PACSIN2: variants seen among roughly 807,000 people sequenced by gnomAD.
The protein encoded by PACSIN2 is protein kinase C and casein kinase substrate in neurons 2.
Under a neutral mutation model 63.8 loss-of-function variants are expected in PACSIN2, and 25 were observed. The ratio of observed to expected loss-of-function variants is 0.39; its 90% CI spans 0.29 to 0.55. PACSIN2 has a LOEUF of 0.55. Ranked by LOEUF, PACSIN2 falls within the 20% of genes least tolerant of loss-of-function variation. The probability of loss-of-function intolerance (pLI) is 0.62; values close to 1 mark genes in which losing one functional copy is unlikely to be tolerated. For synonymous variants in PACSIN2, 255 were observed against 256.2 expected (o/e 1.00, Z 0.05); for missense variants, 518 against 646.9 (o/e 0.80, Z 2.16).
At chr22:42,968,159 G>T (rs944897504) in intron 1 of PACSIN2, among the ~76,000 whole-genome samples, 2 of 152,122 alleles carry the variant, frequency 1.3e-5, no homozygotes, top group Non-Finnish European at 2.9e-5. Context: ...GTGTGTCCTG[G>T]ACCTCCACAA....
intron 8 of PACSIN2, 72 bp from the exon 9 acceptor site, chr22:42,877,082 T>A: frequency 1.3e-6 from 2 of 1,544,026 alleles, no homozygotes; most frequent in Admixed American, 3.5e-5. Context: ...AACTCCTAGC[T>A]GCAGGATCTC....
At chr22:42,924,828 A>C (rs535516685) in intron 1 of PACSIN2, among the ~76,000 whole-genome samples, 95 of 150,368 alleles carry the variant, frequency 6.3e-4, no homozygotes, top group Non-Finnish European at 1.2e-3. Context: ...ACGATCTCAG[A>C]TCACTGCAAG....
At chr22:42,999,378 T>C (rs1311859399) in intron 1 of PACSIN2, among the ~76,000 whole-genome samples, 2 of 152,282 alleles carry the variant, frequency 1.3e-5, no homozygotes, top group East Asian at 3.9e-4. Flanking sequence ...CATTAAAAAA[T>C]CTGTCTACAG....
At chr22:42,952,279 G>A (rs1033478513) in intron 1 of PACSIN2, among the ~76,000 whole-genome samples, 3 of 151,752 alleles carry the variant, frequency 2.0e-5, no homozygotes, top group Admixed American at 6.6e-5. Context: ...AGCAAACCAG[G>A]TATCTTAATG....
chr22:43,014,470 C>T (rs1013918839), intron 1 of PACSIN2, among the ~76,000 whole-genome samples: 2 of 151,856 alleles, frequency 1.3e-5, no homozygotes, highest in African/African-American at 4.8e-5. Flanking sequence ...CGTCGCCCCC[C>T]AGGCCACCCC....
chr22:42,888,921 G>C (rs1929694838), intron 4 of PACSIN2, 123 bp from the exon 5 acceptor site: 11 of 889,804 alleles, frequency 1.2e-5, no homozygotes, highest in Non-Finnish European at 2.0e-5. Context: ...GTACAAAATT[G>C]TATGTATACT....
At chr22:42,900,469 A>T (rs999620065) in intron 2 of PACSIN2, among the ~76,000 whole-genome samples, 2 of 152,156 alleles carry the variant, frequency 1.3e-5, no homozygotes, top group Non-Finnish European at 2.9e-5. Flanking sequence ...TCTATTTTTA[A>T]AAATTAAATT....
chr22:42,997,418 C>T (rs1215559456), intron 1 of PACSIN2, among the ~76,000 whole-genome samples: 4 of 151,968 alleles, frequency 2.6e-5, no homozygotes, highest in African/African-American at 9.7e-5. Flanking sequence ...ATTAGCCAGG[C>T]GTGGTGGCAG....
At position 42,986,618 on chromosome 22, in the gene PACSIN2, T is replaced by A. The variant is rs183799955; in HGVS notation, c.-78+28403A>T. On this transcript the variant is annotated intron_variant, in intron 1 of 10. Coordinates refer to ENST00000263246, the MANE Select transcript of PACSIN2 (RefSeq NM_001184970.3). ...TGGGGGGTGAAGATACACACTAAAA[T>A]CCACATGGGAACACAATGACTTCAG... Among the ~76,000 whole-genome samples the A allele has an allele frequency of 2.5e-3, 383 of 152,012 alleles. 3 individuals are homozygous for A. The highest frequency in any genetic ancestry group is 8.8e-3 in the African/African-American group (364 of 41,442).
At chr22:43,014,616 C>T (rs1244820359) in intron 1 of PACSIN2, among the ~76,000 whole-genome samples, 1 of 151,964 alleles carries the variant, frequency 6.6e-6, no homozygotes, top group African/African-American at 2.4e-5. Flanking sequence ...AAAAGTCGCC[C>T]CAGCTCCCCC....
chr22:42,894,811 ACGATCTCTTTT>A (rs1440643262), intron 2 of PACSIN2, among the ~76,000 whole-genome samples: 1 of 152,156 alleles, frequency 6.6e-6, no homozygotes, highest in African/African-American at 2.4e-5. Context: ...TGACAGAAAA[ACGATCTCTTTT>A]CAGCCTTTTT....
chr22:42,991,008 C>A (rs769164931), intron 1 of PACSIN2, among the ~76,000 whole-genome samples: 1 of 152,152 alleles, frequency 6.6e-6, no homozygotes, highest in Non-Finnish European at 1.5e-5. Flanking sequence ...TCAACGGGTT[C>A]TATACACAAA....
intron 6 of PACSIN2, among the ~76,000 whole-genome samples, chr22:42,882,716 A>G (rs1346916065): frequency 6.6e-6 from 1 of 152,182 alleles, no homozygotes; most frequent in East Asian, 1.9e-4. Context: ...AGACTTGCCA[A>G]TGCAGAGCGT....
chr22:43,002,246 T>C (rs571323967), intron 1 of PACSIN2: 1 of 151,862 alleles, frequency 6.6e-6, no homozygotes, highest in South Asian at 2.1e-4. Flanking sequence ...CCCTGCAGAG[T>C]CTTTCCAATA....
intron 1 of PACSIN2, among the ~76,000 whole-genome samples, chr22:42,919,461 C>T (rs1195286514): frequency 6.6e-6 from 1 of 152,186 alleles, no homozygotes; most frequent in Non-Finnish European, 1.5e-5. Context: ...CAGTGGTTGA[C>T]TGATTATTTC....
At chr22:42,947,455 C>T (rs566846174) in intron 1 of PACSIN2, among the ~76,000 whole-genome samples, 22 of 152,238 alleles carry the variant, frequency 1.4e-4, no homozygotes, top group African/African-American at 4.8e-4. Flanking sequence ...AAAAGAGGAG[C>T]GGCCTCTTCC....
At position 42,951,002 on chromosome 22, in the gene PACSIN2, G is replaced by C. The variant is rs115841379; in HGVS notation, c.-77-38845C>G. On this transcript the variant is annotated intron_variant, in intron 1 of 10. Coordinates refer to ENST00000263246, the MANE Select transcript of PACSIN2 (RefSeq NM_001184970.3). ...AGTGACAGGGTCTACCTGGACATAT[G>C]GTGGTCAGGGAAGGTTGTCCTGAGT... Among the ~76,000 whole-genome samples the C allele has an allele frequency of 2.5e-3, 379 of 152,272 alleles. 1 individual carries two copies. Among genetic ancestry groups the C allele is most frequent in the African/African-American group, 8.7e-3 (361 of 41,546 alleles).
intron 1 of PACSIN2, among the ~76,000 whole-genome samples, chr22:42,971,366 C>T (rs899170455): frequency 6.4e-4 from 98 of 152,346 alleles, no homozygotes; most frequent in Admixed American, 1.0e-3. Context: ...GGACTGCAGA[C>T]GGAGTCTCGC....
rs142415626 is a variant in PACSIN2 at position 42,924,516 on chromosome 22, C to CA, written c.-77-12360dup. On this transcript the variant is annotated intron_variant, in intron 1 of 10. Coordinates refer to ENST00000263246, the MANE Select transcript of PACSIN2 (RefSeq NM_001184970.3). ...ACCACATTGCTGCTCTTAAGCCCCC[C>CA]ATGCAGAGTAAAAGCCCAGGTCCTC... is the stretch of plus-strand genomic sequence containing the variant. 8.9e-3 allele frequency among the ~76,000 whole-genome samples: 1,350 copies of CA among 152,256 alleles called. 19 individuals carry two copies. The highest frequency in any genetic ancestry group is 0.031 in the African/African-American group (1,297 of 41,532).
Sources: gnomAD v4.1 joint callset for allele counts (sites outside exome capture counted in the v4.1 genomes callset) on GRCh38, gnomAD v4.1.1 for gene constraint, MANE v1.5 for transcripts, NCBI Gene and HGNC (gene_info 2026-07-23, HGNC 2026-07-21) for gene names.